Variants in GBP5 observed in about 807,000 individuals in gnomAD.
GBP5 encodes the protein guanylate binding protein 5, also known as guanylate-binding protein 5.
Under a neutral mutation model 58.2 loss-of-function variants are expected in GBP5, and 48 were observed. That is an observed-to-expected ratio of 0.83 (90% CI 0.65 to 1.05). The LOEUF (loss-of-function observed/expected upper bound fraction) is 1.05, where lower values mean the gene tolerates loss of function less well. GBP5 is among the 50% of genes least tolerant of loss of function. The probability of loss-of-function intolerance (pLI) is 0.00; values close to 1 mark genes in which losing one functional copy is unlikely to be tolerated. For missense variants in GBP5, 714 were observed against 686.8 expected (o/e 1.04, Z -0.44); for synonymous variants, 248 against 251.8 (o/e 0.98, Z 0.14).
rs1406440052 is a variant in GBP5, at chr1:89,272,463, TTGG to T, written c.-142_-140del. ...TGCCCCAGTCTTACCGTGTCCGGAATTGGTGGGTTCTTGGTCTCACTGACTTCA... is the reference window on the plus strand; with the variant it reads ...TGCCCCAGTCTTACCGTGTCCGGAATTGGGTTCTTGGTCTCACTGACTTCA... On this transcript the variant is annotated 5_prime_UTR_variant, in exon 1 of 12. Transcript: ENST00000370459. 5.8e-6 allele frequency: 1 copy of T among 172,234 alleles called. No individual in the cohort carries two copies. The highest frequency in any genetic ancestry group is 2.4e-5 in the African/African-American group (1 of 41,746). The allele number at this position is 172,234 out of a possible 1,614,324, so 10.7% of individuals were successfully genotyped here. A position where few individuals can be genotyped will look rare whatever the true frequency, so the allele number is the denominator to read the frequency against.
At chr1:89,264,640 T>C in intron 8 of GBP5, 46 bp downstream of exon 8, 1 of 1,550,636 alleles carries the variant, frequency 6.4e-7, no homozygotes, top group Non-Finnish European at 8.9e-7. Context: ...AGCAATACTT[T>C]GCCTTCTTGA....
In GBP5 at chr1:89,267,154, C is replaced by G; in HGVS notation, c.429-1G>C. On this transcript the variant is annotated splice_acceptor_variant, in intron 5 of 11. Transcript: ENST00000370459. LOFTEE classifies it high-confidence loss of function. ...CAGATCTGTCAGTTCTGTCACATTG[C>G]TGAGATGCAATTAAAGAAAACTGGC... 6.3e-7 allele frequency: 1 copy of G among 1,577,182 alleles called. No individual in the cohort carries two copies. Among genetic ancestry groups the G allele is most frequent in the Non-Finnish European group, 8.6e-7 (1 of 1,165,064 alleles).
rs983437954 is a variant in GBP5, at chr1:89,260,267, C to G, written c.*437G>C. On this transcript the variant is annotated 3_prime_UTR_variant, in exon 12 of 12. Coordinates refer to ENST00000370459, the MANE Select transcript of GBP5 (RefSeq NM_052942.5). ...AGCTCAGGCTGTAATGCTCACTTACCTGCTGCTCACCTCCTGCTGTGTGGC... is the reference window on the plus strand; with the variant it reads ...AGCTCAGGCTGTAATGCTCACTTACGTGCTGCTCACCTCCTGCTGTGTGGC... The G allele has an allele frequency of 1.3e-5, 2 of 159,798 alleles. No homozygotes were observed. The highest frequency in any genetic ancestry group is 1.7e-4 in the South Asian group (1 of 5,812). 9.9% of individuals were successfully genotyped at this position (159,798 alleles called of 1,614,324 possible).
chr1:89,263,488 G>A, intron 9 of GBP5: 1 of 385,482 alleles, frequency 2.6e-6, no homozygotes, highest in African/African-American at 2.0e-5. Context: ...TGGTCACAAA[G>A]CAAGTCTGGT....
At position 89,266,944 on chromosome 1, in the gene GBP5, A is replaced by G. The variant is rs777723172; in HGVS notation, c.625+13T>C. 4.5e-6 allele frequency: 7 copies of G among 1,548,004 alleles called. No homozygotes were observed. The Admixed American group carries it at 9.3e-5, about 21-fold the overall frequency. On this transcript the variant is annotated intron_variant, in intron 6 of 11. Transcript: ENST00000370459. ...TTTTTTAAAAATCTTTCTAAAACTGAAGTCCCTGTTACCTTGCTTTGGCCT... is the reference window on the plus strand; with the variant it reads ...TTTTTTAAAAATCTTTCTAAAACTGGAGTCCCTGTTACCTTGCTTTGGCCT...
Position 89,256,965 on chromosome 1 carries a change from T to C in GBP5, c.*3739A>G, listed in dbSNP as rs1649809753. Among the ~76,000 whole-genome samples, 1 of 152,234 alleles carries C rather than the reference T, an allele frequency of 6.6e-6. No individual in the cohort carries two copies. The highest frequency in any genetic ancestry group is 1.5e-5 in the Non-Finnish European group (1 of 68,030). ...CATTTTCTCTACTTCATTTTAGAAATTTCTTTACCTGCTTATTTTGTGCTG... is the reference window on the plus strand; with the variant it reads ...CATTTTCTCTACTTCATTTTAGAAACTTCTTTACCTGCTTATTTTGTGCTG... On this transcript the variant is annotated 3_prime_UTR_variant, in exon 12 of 12. Transcript: ENST00000370459.
intron 1 of GBP5, chr1:89,271,891 G>GA (rs1650470905): frequency 6.6e-6 from 1 of 152,196 alleles, no homozygotes; most frequent in Admixed American, 6.5e-5. Flanking sequence ...TAGATGCCAA[G>GA]AAACCAACAT....
At position 89,256,650 on chromosome 1, in the gene GBP5, C is replaced by T. The variant is rs1649802517; in HGVS notation, c.*4054G>A. 1.3e-5 allele frequency among the ~76,000 whole-genome samples: 2 copies of T among 152,192 alleles called. No homozygotes were observed. Among genetic ancestry groups the T allele is most frequent in the African/African-American group, 4.8e-5 (2 of 41,432 alleles). On this transcript the variant is annotated 3_prime_UTR_variant, in exon 12 of 12. Coordinates refer to ENST00000370459, the MANE Select transcript of GBP5 (RefSeq NM_052942.5). ...GAGAGATTTCAAGAGTTTTGAGTCA[C>T]ATTTAGAAAGGCCCTCTCCTCTACA...
At chr1:89,262,172 T>C (rs766474091) in intron 11 of GBP5, 48 bp downstream of exon 11, 2 of 1,572,306 alleles carry the variant, frequency 1.3e-6, no homozygotes, top group Non-Finnish European at 1.7e-6. Flanking sequence ...CACTGCTACA[T>C]ACTCTCATCG....
Position 89,259,048 on chromosome 1 carries a change from T to C in GBP5, c.*1656A>G, listed in dbSNP as rs1404652365. 2.6e-5 allele frequency: 4 copies of C among 152,330 alleles called. No individual in the cohort carries two copies. Among genetic ancestry groups the C allele is most frequent in the Non-Finnish European group, 5.9e-5 (4 of 68,022 alleles). 9.4% of individuals were successfully genotyped at this position (152,330 alleles called of 1,614,324 possible). ...TAAGAAAAATCAGTCATTTTTCATA[T>C]ATAATTGCAAAGAATTAAGATCATT... On this transcript the variant is annotated 3_prime_UTR_variant, in exon 12 of 12. Transcript: ENST00000370459.
Position 89,266,543 on chromosome 1 carries a change from A to G in GBP5, c.671T>C (p.Ile224Thr). 6.2e-7 allele frequency: 1 copy of G among 1,613,100 alleles called. No homozygotes were observed. Among genetic ancestry groups the G allele is most frequent in the Non-Finnish European group, 8.5e-7 (1 of 1,179,026 alleles). ...TTTCTTTTTTGGAAAGAACTTCTGTATACACAGACGGGGCAAATTGAAATT... is the reference window on the plus strand; with the variant it reads ...TTTCTTTTTTGGAAAGAACTTCTGTGTACACAGACGGGGCAAATTGAAATT... ...VQNFNLPRLC[I>T]QKFFPKKKCF... Residue 224 changes from isoleucine to threonine, a missense_variant, in exon 7 of 12, where the codon ATA becomes ACA. Transcript: ENST00000370459.
intron 7 of GBP5, 151 bp downstream of exon 7, chr1:89,266,195 C>T: frequency 1.5e-6 from 1 of 668,254 alleles, no homozygotes; most frequent in Non-Finnish European, 2.6e-6. Context: ...TATGTGATAC[C>T]CACTGAAACT....
rs1210793927 is a variant in GBP5, at chr1:89,258,330, AT to A, written c.*2373del. Among the ~76,000 whole-genome samples, 2 of 152,348 alleles carry A rather than the reference AT, an allele frequency of 1.3e-5. No homozygotes were observed. Among genetic ancestry groups the A allele is most frequent in the African/African-American group, 4.8e-5 (2 of 41,586 alleles). ...TTTCTGAGTCTCAGGATTTTAAAAAATTTCTTTAAGATGGGTAATAAAGATA... is the reference window on the plus strand; with the variant it reads ...TTTCTGAGTCTCAGGATTTTAAAAAATTCTTTAAGATGGGTAATAAAGATA... On this transcript the variant is annotated 3_prime_UTR_variant, in exon 12 of 12. Coordinates refer to ENST00000370459, the MANE Select transcript of GBP5 (RefSeq NM_052942.5).
chr1:89,258,361 T>C lies in GBP5; in HGVS notation c.*2343A>G, dbSNP rs1450522978. ...TTAAGATGGGTAATAAAGATATCAA[T>C]ATTTAATTTGGAGATAGAGCTATTC... On this transcript the variant is annotated 3_prime_UTR_variant, in exon 12 of 12. Coordinates refer to ENST00000370459, the MANE Select transcript of GBP5 (RefSeq NM_052942.5). 6.6e-6 allele frequency among the ~76,000 whole-genome samples: 1 copy of C among 152,218 alleles called. No homozygotes were observed. Among genetic ancestry groups the C allele is most frequent in the African/African-American group, 2.4e-5 (1 of 41,456 alleles).
chr1:89,272,174 T>C (rs1650482751), intron 1 of GBP5: 1 of 152,246 alleles, frequency 6.6e-6, no homozygotes, highest in Admixed American at 6.5e-5. Context: ...GTGGAAATTA[T>C]GATCCTGAAT....
intron 1 of GBP5, chr1:89,271,476 C>G: frequency 1.3e-5 from 1 of 75,958 alleles, no homozygotes; most frequent in Non-Finnish European, 3.0e-5. Context: ...AAGGAAAATG[C>G]CCAAAAAAAA....
Position 89,262,255 on chromosome 1 carries a change from C to A in GBP5, c.1612G>T (p.Ala538Ser). ...QMEIAKQNWLAEQQKMQEQQM... is the reference protein window; with the variant it reads ...QMEIAKQNWLSEQQKMQEQQM... ...TGTTCCTGCATTTTCTGTTGCTCTG[C>A]CAGCCAATTTTGTTTGGCTATCTCC... The change falls in exon 11 of 12, where the codon GCA (alanine) becomes TCA (serine). Residue 538 changes from alanine to serine, a missense_variant. Physicochemically the swap from Ala to Ser is moderately conservative, Grantham distance 99. Coordinates refer to ENST00000370459, the MANE Select transcript of GBP5 (RefSeq NM_052942.5). 2 of 1,614,164 alleles carry A rather than the reference C, an allele frequency of 1.2e-6. No individual in the cohort carries two copies. Among genetic ancestry groups the A allele is most frequent in the Non-Finnish European group, 1.7e-6 (2 of 1,179,990 alleles).
At chr1:89,261,343 A>C (rs1649998789) in intron 11 of GBP5, among the ~76,000 whole-genome samples, 2 of 152,218 alleles carry the variant, frequency 1.3e-5, no homozygotes, top group African/African-American at 4.8e-5. Flanking sequence ...AATATTTTAG[A>C]GTAACTTCTG....
At chr1:89,261,584 C>T (rs1383508969) in intron 11 of GBP5, among the ~76,000 whole-genome samples, 23 of 152,206 alleles carry the variant, frequency 1.5e-4, no homozygotes, top group Non-Finnish European at 1.0e-4. Context: ...CACAGTAGTT[C>T]TGCTTTACAG....
Sources: allele counts gnomAD v4.1 joint callset (sites outside exome capture counted in the v4.1 genomes callset), GRCh38; gene constraint gnomAD v4.1.1; transcripts MANE v1.5; gene names NCBI Gene and HGNC (gene_info 2026-07-23, HGNC 2026-07-21).